Variants in RNF180 observed in about 807,000 individuals in gnomAD.
RNF180 encodes E3 ubiquitin-protein ligase RNF180.
Under a neutral mutation model 59.2 loss-of-function variants are expected in RNF180, and 38 were observed. The observed-to-expected ratio is 0.64, with a 90% confidence interval of 0.50 to 0.84. The LOEUF (loss-of-function observed/expected upper bound fraction) is 0.84. Among genes scored for constraint, RNF180 ranks in the 40% least tolerant of loss-of-function variants. RNF180 has a pLI of 0.00. For synonymous variants in RNF180, 262 were observed against 240.3 expected (o/e 1.09, Z -0.84); for missense variants, 705 against 700.9 (o/e 1.01, Z -0.07).
chr5:64,224,091 G>A (rs1052541745), intron 5 of RNF180, among the ~76,000 whole-genome samples: 2 of 151,574 alleles, frequency 1.3e-5, no homozygotes, highest in African/African-American at 4.8e-5. Context: ...GTGTGTGTGT[G>A]TGTGTGTGTG....
intron 1 of RNF180, among the ~76,000 whole-genome samples, chr5:64,167,430 G>A (rs564051813): frequency 6.6e-6 from 1 of 151,854 alleles, no homozygotes; most frequent in African/African-American, 2.4e-5. Flanking sequence ...TTCATTTTTT[G>A]TGTGTTTGGT....
chr5:64,276,990 T>A (rs1048432693), intron 5 of RNF180, among the ~76,000 whole-genome samples: 2 of 152,002 alleles, frequency 1.3e-5, no homozygotes, highest in Admixed American at 1.3e-4. Flanking sequence ...AAAGAATTAA[T>A]TCATAGGTCC....
At chr5:64,198,837 C>T (rs1194622114) in intron 1 of RNF180, among the ~76,000 whole-genome samples, 3 of 150,050 alleles carry the variant, frequency 2.0e-5, no homozygotes, top group South Asian at 2.1e-4. Context: ...TTTTTTGAGA[C>T]GGAGTTTCGC....
At chr5:64,249,286 T>A (rs1743407735) in intron 5 of RNF180, among the ~76,000 whole-genome samples, 1 of 152,044 alleles carries the variant, frequency 6.6e-6, no homozygotes, top group South Asian at 2.1e-4. Context: ...TGTCAAAACT[T>A]AAAGACAGAG....
intron 7 of RNF180, among the ~76,000 whole-genome samples, chr5:64,354,663 C>G (rs1056550748): frequency 6.6e-6 from 1 of 151,834 alleles, no homozygotes; most frequent in Non-Finnish European, 1.5e-5. Flanking sequence ...GACCACTATC[C>G]CTTTGGAATA....
chr5:64,305,844 G>C (rs1743417115), intron 5 of RNF180, among the ~76,000 whole-genome samples: 1 of 151,426 alleles, frequency 6.6e-6, no homozygotes, highest in Admixed American at 6.6e-5. Context: ...TAGAATGATG[G>C]AGCATCCACT....
At chr5:64,363,897 T>C (rs1430755382) in intron 7 of RNF180, among the ~76,000 whole-genome samples, 3 of 151,852 alleles carry the variant, frequency 2.0e-5, no homozygotes, top group Non-Finnish European at 4.4e-5. Context: ...CACCTGTTGT[T>C]GGTGTATAGG....
chr5:64,213,919 T>C lies in RNF180; in HGVS notation c.593T>C (p.Leu198Pro), dbSNP rs145416844. 9.9e-5 allele frequency: 160 copies of C among 1,614,076 alleles called. No homozygotes were observed. The highest frequency in any genetic ancestry group is 9.3e-5 in the Non-Finnish European group (110 of 1,180,022). ...PTYFEMKNEKLLSKASEPKYQ... is the reference protein window; with the variant it reads ...PTYFEMKNEKPLSKASEPKYQ... ...TATTTTGAGATGAAGAACGAAAAAC[T>C]GCTGTCCAAAGCATCAGAACCAAAA... Residue 198 changes from leucine to proline, a missense_variant, in exon 4 of 8, where the codon CTG becomes CCG. Physicochemically the swap from Leu to Pro is moderately conservative, Grantham distance 98. Transcript: ENST00000389100.
intron 7 of RNF180, among the ~76,000 whole-genome samples, chr5:64,351,155 T>G (rs1454607532): frequency 1.3e-5 from 2 of 152,094 alleles, no homozygotes; most frequent in Admixed American, 1.3e-4. Context: ...CTAGGTATTT[T>G]ATTCTCTTTG....
intron 5 of RNF180, among the ~76,000 whole-genome samples, chr5:64,268,840 C>T (rs1744839100): frequency 6.6e-6 from 1 of 152,164 alleles, no homozygotes; most frequent in Non-Finnish European, 1.5e-5. Flanking sequence ...TAGTTTTATG[C>T]AGAGCTGCCA....
intron 5 of RNF180, among the ~76,000 whole-genome samples, chr5:64,248,663 G>A (rs1204291259): frequency 6.6e-6 from 1 of 152,166 alleles, no homozygotes; most frequent in Non-Finnish European, 1.5e-5. Flanking sequence ...TGGTGGGAGT[G>A]TAAATTAGTT....
At chr5:64,352,358 T>C in intron 7 of RNF180, among the ~76,000 whole-genome samples, 1 of 152,096 alleles carries the variant, frequency 6.6e-6, no homozygotes, top group East Asian at 1.9e-4. Flanking sequence ...AACCAGCTCC[T>C]GGATTCATTG....
chr5:64,183,191 T>C (rs1750699005), intron 1 of RNF180, among the ~76,000 whole-genome samples: 1 of 152,150 alleles, frequency 6.6e-6, no homozygotes, highest in South Asian at 2.1e-4. Flanking sequence ...ATTTCAGAAG[T>C]CACTTAACTT....
At chr5:64,256,544 CT>C (rs1287686442) in intron 5 of RNF180, among the ~76,000 whole-genome samples, 1 of 152,130 alleles carries the variant, frequency 6.6e-6, no homozygotes, top group African/African-American at 2.4e-5. Context: ...GGGCTCTGTT[CT>C]GTTCCATTGG....
intron 1 of RNF180, among the ~76,000 whole-genome samples, chr5:64,175,847 T>C (rs754691339): frequency 1.3e-5 from 2 of 152,206 alleles, no homozygotes; most frequent in Admixed American, 1.3e-4. Flanking sequence ...TTTCCAGGCA[T>C]CTAATTTTTT....
At chr5:64,196,816 A>G (rs1218440970) in intron 1 of RNF180, among the ~76,000 whole-genome samples, 2 of 152,100 alleles carry the variant, frequency 1.3e-5, no homozygotes. Context: ...TTTCTGGACT[A>G]CAGTTTATAG....
chr5:64,274,457 C>T (rs1352448857), intron 5 of RNF180, among the ~76,000 whole-genome samples: 4 of 151,744 alleles, frequency 2.6e-5, no homozygotes, highest in Non-Finnish European at 5.9e-5. Context: ...TGGCATGTTT[C>T]GTAATTTATA....
At chr5:64,185,800 A>T (rs965415525) in intron 1 of RNF180, among the ~76,000 whole-genome samples, 8 of 152,212 alleles carry the variant, frequency 5.3e-5, no homozygotes, top group Non-Finnish European at 7.3e-5. Flanking sequence ...GAAGAATCAG[A>T]TGTACTCATT....
At chr5:64,244,469 C>G (rs1215523510) in intron 5 of RNF180, among the ~76,000 whole-genome samples, 1 of 151,788 alleles carries the variant, frequency 6.6e-6, no homozygotes, top group African/African-American at 2.4e-5. Flanking sequence ...CCAAATCAAT[C>G]AAGTCGAAGA....
Sources: allele counts gnomAD v4.1 joint callset (sites outside exome capture counted in the v4.1 genomes callset), GRCh38; gene constraint gnomAD v4.1.1; transcripts MANE v1.5; gene names NCBI Gene and HGNC (gene_info 2026-07-23, HGNC 2026-07-21).